Variants in UBR4 observed in about 807,000 individuals in gnomAD.
UBR4 encodes E3 ubiquitin-protein ligase UBR4.
UBR4 carries 124 observed loss-of-function variants against 575.6 expected under a neutral mutation model. The observed-to-expected ratio is 0.22, with a 90% CI of 0.19 to 0.25. The LOEUF (loss-of-function observed/expected upper bound fraction) is 0.25, where lower values mean the gene tolerates loss of function less well. Ranked by LOEUF, UBR4 falls within the 10% of genes least tolerant of loss-of-function variation. The pLI, the probability that UBR4 is intolerant of heterozygous loss-of-function variation, is 1.00. For synonymous variants in UBR4, 2,455 were observed against 2,473.7 expected (o/e 0.99, Z 0.22); for missense variants, 4,818 against 6,478.8 (o/e 0.74, Z 8.80).
Position 19,152,207 on chromosome 1 carries a change from G to A in UBR4, c.6996+106C>T. ...TTAACTAGAACCGAGGGTTGTGACT[G>A]TGAGTATATACTCTATACTTGCTTT... On this transcript the variant is annotated intron_variant, in intron 47 of 105. Coordinates refer to ENST00000375254, the MANE Select transcript of UBR4 (RefSeq NM_020765.3). This position sits in a 1 kb window ranked among gnomAD's most constrained non-coding sequence, Gnocchi z 4.4. 7.0e-7 allele frequency: 1 copy of A among 1,437,814 alleles called. No individual in the cohort carries two copies. Among genetic ancestry groups the A allele is most frequent in the Non-Finnish European group, 9.5e-7 (1 of 1,055,526 alleles). 89.1% of individuals were successfully genotyped at this position (1,437,814 alleles called of 1,614,324 possible).
chr1:19,185,425 G>C, intron 14 of UBR4, 139 bp from the exon 15 acceptor site: 1 of 795,934 alleles, frequency 1.3e-6, no homozygotes. Flanking sequence ...TTGCATTTGT[G>C]TATCAAAACT....
At chr1:19,124,889 A>G (rs1478788683) in intron 64 of UBR4, among the ~76,000 whole-genome samples, 199 bp from the exon 65 acceptor site, 2 of 152,174 alleles carry the variant, frequency 1.3e-5, no homozygotes, top group African/African-American at 4.8e-5. Flanking sequence ...AATTACATGC[A>G]AAGGTTACAG....
At chr1:19,196,993 C>T in intron 8 of UBR4, 148 bp downstream of exon 8, 1 of 904,852 alleles carries the variant, frequency 1.1e-6, no homozygotes, top group East Asian at 2.7e-5. Flanking sequence ...CCTATTGAGA[C>T]CTCATTTCAC....
At chr1:19,166,928 A>G in intron 29 of UBR4, 94 bp downstream of exon 29, 1 of 1,362,216 alleles carries the variant, frequency 7.3e-7, no homozygotes, top group Admixed American at 1.9e-5. Flanking sequence ...CAAAAACAAT[A>G]AGCTATTAAT....
Position 19,156,752 on chromosome 1 carries a change from G to T in UBR4, c.5919+15C>A. The T allele has an allele frequency of 6.2e-7, 1 of 1,610,980 alleles. No individual in the cohort carries two copies. Among genetic ancestry groups the T allele is most frequent in the Non-Finnish European group, 8.5e-7 (1 of 1,177,616 alleles). On this transcript the variant is annotated intron_variant, in intron 41 of 105. Transcript: ENST00000375254. The stretch of plus-strand genomic sequence containing the variant: ...CCACAGCTCAAGGCAATCAAACCTA[G>T]ATCCGGATTTTTACCTTTAGCCCAC...
In UBR4 at chr1:19,081,554, C is replaced by T. The variant is rs1034585173; in HGVS notation, c.15028G>A (p.Glu5010Lys). The T allele has an allele frequency of 6.2e-7, 1 of 1,614,062 alleles. No individual in the cohort carries two copies. The highest frequency in any genetic ancestry group is 8.5e-7 in the Non-Finnish European group (1 of 1,180,026). Residue 5010 changes from glutamate to lysine, a missense_variant, in exon 103 of 106, where the codon GAA (glutamate) becomes AAA (lysine). Transcript: ENST00000375254. Reference sequence around the variant, plus strand: ...AGAAAGCCTTGGAGGTTCTTCTCTTCTCGGGAAGTTGCTCGGGTTCTAGAA... The same window carrying T: ...AGAAAGCCTTGGAGGTTCTTCTCTTTTCGGGAAGTTGCTCGGGTTCTAGAA... The part of the protein sequence containing the change: ...VLNTTRATSR[E>K]EKNLQGFLEQ...
chr1:19,204,807 A>G (rs1314847367), intron 1 of UBR4, among the ~76,000 whole-genome samples: 2 of 152,202 alleles, frequency 1.3e-5, no homozygotes, highest in Admixed American at 6.5e-5. Flanking sequence ...GAAGTAATGG[A>G]CATTGTCATA....
rs763719094 is a variant in UBR4, at chr1:19,084,653, C to T, written c.14859G>A (p.Thr4953=). ...LQECTGQREP[T]YQLNIHDIKL... The stretch of plus-strand genomic sequence containing the variant: ...TGATGTCATGGATGTTGAGCTGATA[C>T]GTGGGCTCCCGCTGGCCTGTACATT... The change falls in exon 102 of 106, where the codon ACG becomes ACA. Residue 4953 remains threonine, a synonymous_variant. Transcript: ENST00000375254. 23 of 1,613,982 alleles carry T rather than the reference C, an allele frequency of 1.4e-5. No individual in the cohort carries two copies. The highest frequency in any genetic ancestry group is 5.5e-5 in the South Asian group (5 of 91,012).
At chr1:19,115,736 G>T (rs747928631) in intron 73 of UBR4, 99 bp from the exon 74 acceptor site, 22 of 1,510,936 alleles carry the variant, frequency 1.5e-5, no homozygotes, top group Non-Finnish European at 1.8e-5. Flanking sequence ...TTTTTCTAAG[G>T]CAATTAAGTG....
Position 19,161,006 on chromosome 1 carries a change from T to G in UBR4, c.5317A>C (p.Ser1773Arg). 6.2e-7 allele frequency: 1 copy of G among 1,614,116 alleles called. No homozygotes were observed. Among genetic ancestry groups the G allele is most frequent in the African/African-American group, 1.3e-5 (1 of 75,028 alleles). ...TCTTCGTCAGCAACCTTTCCATCAC[T>G]GATGGTAACCTTGGCTTTGTCAGCT... is the stretch of plus-strand genomic sequence containing the variant. ...SPADKAKVTI[S>R]DGKVADEEKP... Residue 1773 changes from serine to arginine, a missense_variant, in exon 38 of 106, where the codon AGT becomes CGT. Ser to Arg is a moderately radical substitution (Grantham distance 110). Transcript: ENST00000375254.
Position 19,092,614 on chromosome 1 carries a change from A to G in UBR4, c.14211+205T>C, listed in dbSNP as rs1570354151. The G allele has an allele frequency of 2.2e-5, 11 of 495,716 alleles. No individual in the cohort carries two copies. In the South Asian group the frequency reaches 3.7e-4, roughly 17 times the overall value. The allele number at this position is 495,716 out of a possible 1,614,324, so 30.7% of individuals were successfully genotyped here. ...AGTTGCACAGGTGACCCATTAGACA[A>G]TGAAGCCCCACTTAAGAATGAGTTG... On this transcript the variant is annotated intron_variant, in intron 97 of 105. Transcript: ENST00000375254.
At chr1:19,149,704 T>C in intron 49 of UBR4, 1 of 1,267,536 alleles carries the variant, frequency 7.9e-7, no homozygotes, top group Non-Finnish European at 1.0e-6. Flanking sequence ...ACACCATTGG[T>C]TACACGGCTC....
chr1:19,088,668 T>C lies in UBR4; in HGVS notation c.14430+91A>G, dbSNP rs1211552015. 5 of 1,358,314 alleles carry C rather than the reference T, an allele frequency of 3.7e-6. No individual in the cohort carries two copies. The highest frequency in any genetic ancestry group is 5.2e-6 in the Non-Finnish European group (5 of 964,526). The allele number at this position is 1,358,314 out of a possible 1,614,324, so 84.1% of individuals were successfully genotyped here. A position where few individuals can be genotyped will look rare whatever the true frequency, so the allele number is the denominator to read the frequency against. On this transcript the variant is annotated intron_variant, in intron 98 of 105. Coordinates refer to ENST00000375254, the MANE Select transcript of UBR4 (RefSeq NM_020765.3). The surrounding 1 kb of genome is among the most constrained non-coding windows in gnomAD (Gnocchi z 4.0). Reference sequence around the variant, plus strand: ...TCCTCCTACTCTGTCCAGCCTTCTCTTTCCCCATGGCCAACCCCAGGGCTG... The same window carrying C: ...TCCTCCTACTCTGTCCAGCCTTCTCCTTCCCCATGGCCAACCCCAGGGCTG...
intron 63 of UBR4, 112 bp from the exon 64 acceptor site, chr1:19,126,767 G>T: frequency 1.8e-6 from 2 of 1,135,876 alleles, no homozygotes; most frequent in Non-Finnish European, 2.5e-6. Context: ...AGCTTTTATG[G>T]CAGTGAGTGA....
rs1443470959 is a variant in UBR4 at position 19,210,264 on chromosome 1, T to C, written c.-16A>G. On this transcript the variant is annotated 5_prime_UTR_variant, in exon 1 of 106. Transcript: ENST00000375254. ...TCGTCGCCATCTTCCGTCGTACTACTGCGGCTCCCTCCGGGGGCTTGCCAC... is the reference window on the plus strand; with the variant it reads ...TCGTCGCCATCTTCCGTCGTACTACCGCGGCTCCCTCCGGGGGCTTGCCAC... The C allele has an allele frequency of 4.2e-6, 6 of 1,440,902 alleles. No individual in the cohort carries two copies. Among genetic ancestry groups the C allele is most frequent in the Non-Finnish European group, 5.4e-6 (6 of 1,103,592 alleles). The allele number at this position is 1,440,902 out of a possible 1,614,324, so 89.3% of individuals were successfully genotyped here. A position where few individuals can be genotyped will look rare whatever the true frequency, so the allele number is the denominator to read the frequency against.
intron 3 of UBR4, 65 bp from the exon 4 acceptor site, chr1:19,198,993 T>C: frequency 6.4e-7 from 1 of 1,561,674 alleles, no homozygotes; most frequent in Non-Finnish European, 8.7e-7. Context: ...AAAATTCTAC[T>C]CTTTTGGAAA....
chr1:19,168,255 A>AG (rs1311990490), intron 27 of UBR4, 71 bp from the exon 28 acceptor site: 1 of 1,408,242 alleles, frequency 7.1e-7, no homozygotes, highest in East Asian at 2.4e-5. Context: ...ATGGAAAAAA[A>AG]AACTGACATA....
At chr1:19,156,505 T>G (rs2086472980) in intron 41 of UBR4, 82 bp from the exon 42 acceptor site, 1 of 1,516,466 alleles carries the variant, frequency 6.6e-7, no homozygotes. Context: ...GACGTTCCCT[T>G]TTTTCCTCTA....
At chr1:19,170,741 A>G (rs755129365) in intron 26 of UBR4, 21 bp downstream of exon 26, 57 of 1,614,074 alleles carry the variant, frequency 3.5e-5, no homozygotes, top group Non-Finnish European at 4.6e-5. Context: ...ATATTACTCA[A>G]AAGCACATTT....
Sources: gnomAD v4.1 joint callset for allele counts (sites outside exome capture counted in the v4.1 genomes callset) on GRCh38, gnomAD v4.1.1 for gene constraint, Gnocchi (gnomAD v3.1) non-coding constraint, MANE v1.5 for transcripts, NCBI Gene and HGNC (gene_info 2026-07-23, HGNC 2026-07-21) for gene names.